TRHDE: variants seen among roughly 807,000 people sequenced by gnomAD.
The protein encoded by TRHDE is thyrotropin-releasing hormone-degrading ectoenzyme.
In TRHDE, 72 loss-of-function variants were observed where a neutral mutation model predicts 125.7. That is an observed-to-expected ratio of 0.57 (90% CI 0.47 to 0.70). The LOEUF (loss-of-function observed/expected upper bound fraction) is 0.70, where lower values mean the gene tolerates loss of function less well. TRHDE is among the 30% of genes least tolerant of loss of function. The probability of loss-of-function intolerance (pLI) is 0.00; values close to 1 mark genes in which losing one functional copy is unlikely to be tolerated. For synonymous variants in TRHDE, 509 were observed against 509.1 expected (o/e 1.00, Z 0.00); for missense variants, 1,110 against 1,327.1 (o/e 0.84, Z 2.54).
chr12:72,373,767 T>G (rs1045066329), intron 2 of TRHDE, among the ~76,000 whole-genome samples: 1 of 152,108 alleles, frequency 6.6e-6, no homozygotes, highest in African/African-American at 2.4e-5. Flanking sequence ...CTCTCTGGTA[T>G]GTTTGAGGAG....
At position 72,272,690 on chromosome 12, in the gene TRHDE, A is replaced by T; in HGVS notation, c.47A>T (p.Lys16Met). Residue 16 changes from lysine (K) to methionine (M), a missense_variant, in exon 1 of 19, where the codon AAG (lysine) becomes ATG (methionine). By Grantham distance (95) the Lys-to-Met change is moderately conservative (BLOSUM62 -1). Around this residue, in one of 5 missense-constraint regions of TRHDE, gnomAD observed 248 missense variants for 240.8 expected, o/e 1.03. Transcript: ENST00000261180. The surrounding 1 kb of genome is among the most constrained non-coding windows in gnomAD (Gnocchi z 6.7). ...GGGGAGCAAGAGGAGGAGAAGAAAA[A>T]GAAGAAGAAAAAGAAGAGGAAGAAG... ...ELGEQEEEKKKKKKKKRKKKK... is the reference protein window; with the variant it reads ...ELGEQEEEKKMKKKKKRKKKK... 2.2e-6 allele frequency: 3 copies of T among 1,356,556 alleles called. No homozygotes were observed. The highest frequency in any genetic ancestry group is 2.9e-6 in the Non-Finnish European group (3 of 1,031,466). 84.0% of individuals were successfully genotyped at this position (1,356,556 alleles called of 1,614,324 possible). A position where few individuals can be genotyped will look rare whatever the true frequency, so the allele number is the denominator to read the frequency against.
intron 3 of TRHDE, among the ~76,000 whole-genome samples, chr12:72,457,558 G>GT (rs150503727): frequency 6.4e-4 from 95 of 147,982 alleles, no homozygotes; most frequent in South Asian, 4.3e-4. Flanking sequence ...GGGTATCGGC[G>GT]TTTTTTTTTT....
At chr12:72,573,664 A>G (rs1005608666) in intron 10 of TRHDE, among the ~76,000 whole-genome samples, 1 of 151,996 alleles carries the variant, frequency 6.6e-6, no homozygotes, top group Non-Finnish European at 1.5e-5. Context: ...CTCTTGTACT[A>G]TAAAAGAATA....
intron 2 of TRHDE, chr12:72,163,066 A>G (rs541227962): frequency 1.1e-4 from 17 of 152,346 alleles, no homozygotes; most frequent in Non-Finnish European, 2.2e-4. Flanking sequence ...TTTAGATGGA[A>G]ATCAGATGGA....
At chr12:72,288,309 A>T (rs1879966610) in intron 2 of TRHDE, among the ~76,000 whole-genome samples, 1 of 152,170 alleles carries the variant, frequency 6.6e-6, no homozygotes, top group Non-Finnish European at 1.5e-5. Flanking sequence ...CCTCACTGTT[A>T]CTTTTAATTT....
At chr12:72,096,398 G>T (rs189802787) in intron 1 of TRHDE, among the ~76,000 whole-genome samples, 199 of 152,202 alleles carry the variant, frequency 1.3e-3, no homozygotes, top group Non-Finnish European at 2.5e-3. Flanking sequence ...TGTCAAGTTT[G>T]GGCAATTAGA....
chr12:72,190,398 G>C (rs1392376706), intron 2 of TRHDE, among the ~76,000 whole-genome samples: 2 of 152,190 alleles, frequency 1.3e-5, no homozygotes, highest in Non-Finnish European at 2.9e-5. Flanking sequence ...GGTGTGCCTA[G>C]AGCATAATGG....
intron 3 of TRHDE, among the ~76,000 whole-genome samples, chr12:72,444,183 A>G (rs369591599): frequency 6.6e-6 from 1 of 151,818 alleles, no homozygotes; most frequent in African/African-American, 2.4e-5. Context: ...TGATGTTCTG[A>G]TTTCAATATT....
In TRHDE at chr12:72,240,718, C is replaced by T. The variant is rs1394810693; in HGVS notation, n.279+134966C>T. On this transcript the variant is annotated intron_variant and non_coding_transcript_variant, in intron 2 of 4. Coordinates refer to the TRHDE transcript ENST00000548156. ...CCAAGTAGCTGGGACTACAGGCGCC[C>T]ACCACCATGCCCGGCTAATTTCTTT... Among the ~76,000 whole-genome samples the T allele has an allele frequency of 2.0e-5, 3 of 152,000 alleles. No individual in the cohort carries two copies. In the South Asian group the frequency reaches 6.2e-4, roughly 32 times the overall value.
intron 3 of TRHDE, among the ~76,000 whole-genome samples, chr12:72,418,302 G>C (rs891363023): frequency 1.3e-5 from 2 of 151,916 alleles, no homozygotes; most frequent in Non-Finnish European, 2.9e-5. Flanking sequence ...TAAGTTTAAG[G>C]ATGACTTAAA....
chr12:72,588,450 TAAG>T (rs2136044794), intron 12 of TRHDE, among the ~76,000 whole-genome samples: 1 of 152,228 alleles, frequency 6.6e-6, no homozygotes, highest in Admixed American at 6.5e-5. Flanking sequence ...ATGGAGTAAG[TAAG>T]GAGCATTGCA....
At chr12:72,243,338 A>G (rs1251041853) in intron 2 of TRHDE, among the ~76,000 whole-genome samples, 1 of 152,176 alleles carries the variant, frequency 6.6e-6, no homozygotes, top group Admixed American at 6.5e-5. Context: ...AACTTCAGAG[A>G]GTTCCTTCTA....
chr12:72,307,423 G>C (rs1408136482), intron 2 of TRHDE, among the ~76,000 whole-genome samples: 1 of 149,642 alleles, frequency 6.7e-6, no homozygotes, highest in Non-Finnish European at 1.5e-5. Context: ...GGATCCACCC[G>C]CCTCCCAAAG....
At chr12:72,401,336 C>T (rs946574250) in intron 3 of TRHDE, among the ~76,000 whole-genome samples, 1 of 152,160 alleles carries the variant, frequency 6.6e-6, no homozygotes, top group Non-Finnish European at 1.5e-5. Flanking sequence ...TTAATTCTTA[C>T]ATCCTTATGT....
intron 3 of TRHDE, among the ~76,000 whole-genome samples, chr12:72,469,351 T>C (rs1217156806): frequency 6.6e-6 from 1 of 152,242 alleles, no homozygotes; most frequent in Non-Finnish European, 1.5e-5. Flanking sequence ...TTTTCTCTTA[T>C]ACAATATTGG....
intron 2 of TRHDE, among the ~76,000 whole-genome samples, chr12:72,348,537 TAACTG>T (rs1220835450): frequency 6.6e-6 from 1 of 152,066 alleles, no homozygotes; most frequent in African/African-American, 2.4e-5. Context: ...TTATAAATCT[TAACTG>T]AGGTAAGTAT....
rs533687445 is a variant in TRHDE, at chr12:72,533,795, T to C, written c.1723-8496T>C. 8.7e-4 allele frequency among the ~76,000 whole-genome samples: 132 copies of C among 152,074 alleles called. 1 individual carries two copies. Among genetic ancestry groups the C allele is most frequent in the African/African-American group, 3.1e-3 (129 of 41,522 alleles). On this transcript the variant is annotated intron_variant, in intron 6 of 18. Coordinates refer to ENST00000261180, the MANE Select transcript of TRHDE (RefSeq NM_013381.3). Reference sequence around the variant, plus strand: ...ATTTAATGGGACAGTATTGTTATGCTTCAAATTTCTTGAGTTGAATGCTTT... The same window carrying C: ...ATTTAATGGGACAGTATTGTTATGCCTCAAATTTCTTGAGTTGAATGCTTT...
intron 2 of TRHDE, among the ~76,000 whole-genome samples, chr12:72,130,465 T>C (rs1303327158): frequency 3.3e-5 from 5 of 152,122 alleles, no homozygotes; most frequent in Admixed American, 1.3e-4. Flanking sequence ...AATGGCAGTA[T>C]AAGAGGGGAA....
intron 2 of TRHDE, among the ~76,000 whole-genome samples, chr12:72,336,963 T>C (rs1001718740): frequency 2.1e-4 from 32 of 152,210 alleles, no homozygotes; most frequent in African/African-American, 7.7e-4. Context: ...TGACATCATC[T>C]GTGAGCATGT....
Sources: allele counts gnomAD v4.1 joint callset (sites outside exome capture counted in the v4.1 genomes callset), GRCh38; gene constraint gnomAD v4.1.1; regional missense constraint gnomAD v4.1.1; non-coding constraint Gnocchi (gnomAD v3.1); transcripts MANE v1.5; gene names NCBI Gene and HGNC (gene_info 2026-07-23, HGNC 2026-07-21).